Variants in NEDD4L observed in about 807,000 individuals in gnomAD.
NEDD4L encodes NEDD4 like E3 ubiquitin protein ligase.
Under a neutral mutation model 148.9 loss-of-function variants are expected in NEDD4L, and 54 were observed. That is an observed-to-expected ratio of 0.36 (90% CI 0.29 to 0.45). The LOEUF is 0.45. Among genes scored for constraint, NEDD4L ranks in the 20% least tolerant of loss-of-function variants. The pLI is 1.00. For synonymous variants in NEDD4L, 433 were observed against 440.7 expected (o/e 0.98, Z 0.22); for missense variants, 856 against 1,233.8 (o/e 0.69, Z 4.59).
chr18:58,105,948 C>G (rs1296670828), intron 1 of NEDD4L, among the ~76,000 whole-genome samples: 1 of 152,160 alleles, frequency 6.6e-6, no homozygotes, highest in South Asian at 2.1e-4. Context: ...TAATGAGATT[C>G]CAGAAATTGT....
chr18:58,327,388 C>A (rs542992452), intron 9 of NEDD4L, among the ~76,000 whole-genome samples: 74 of 152,292 alleles, frequency 4.9e-4, no homozygotes, highest in East Asian at 3.9e-4. Context: ...TGACCCACCA[C>A]GCCCGGCTGA....
At chr18:58,282,288 C>CT (rs1250435284) in intron 5 of NEDD4L, among the ~76,000 whole-genome samples, 4 of 151,928 alleles carry the variant, frequency 2.6e-5, no homozygotes, top group Non-Finnish European at 5.9e-5. Flanking sequence ...GCAGTCCTGT[C>CT]ACCTCAGAGG....
At chr18:58,277,563 C>T (rs934952481) in intron 5 of NEDD4L, among the ~76,000 whole-genome samples, 1 of 152,034 alleles carries the variant, frequency 6.6e-6, no homozygotes, top group African/African-American at 2.4e-5. Flanking sequence ...GGGTCACCTT[C>T]TCACCCTCTG....
At chr18:58,241,120 A>G (rs1246043444) in intron 2 of NEDD4L, among the ~76,000 whole-genome samples, 1 of 152,168 alleles carries the variant, frequency 6.6e-6, no homozygotes, top group Non-Finnish European at 1.5e-5. Context: ...AGCAGCTAAC[A>G]TTTATTAAGT....
intron 1 of NEDD4L, among the ~76,000 whole-genome samples, chr18:58,132,174 G>A (rs1481099031): frequency 1.3e-5 from 2 of 152,148 alleles, no homozygotes; most frequent in African/African-American, 2.4e-5. Flanking sequence ...CCATCAGTGC[G>A]TTCAGTCTTT....
intron 11 of NEDD4L, among the ~76,000 whole-genome samples, chr18:58,331,396 A>G (rs1156424625): frequency 2.6e-5 from 4 of 152,226 alleles, no homozygotes; most frequent in Admixed American, 1.3e-4. Context: ...GGCTCATCCA[A>G]GACAAGGTTT....
chr18:58,321,948 C>G (rs1727511445), intron 6 of NEDD4L, among the ~76,000 whole-genome samples: 1 of 152,186 alleles, frequency 6.6e-6, no homozygotes, highest in Non-Finnish European at 1.5e-5. Flanking sequence ...CTGGGGTGAT[C>G]TCTGTGCAGG....
chr18:58,214,266 A>G lies in NEDD4L; in HGVS notation c.123-31161A>G, dbSNP rs528222712. Among the ~76,000 whole-genome samples, 8 of 152,322 alleles carry G rather than the reference A, an allele frequency of 5.3e-5. No individual in the cohort carries two copies. In the South Asian group the frequency reaches 1.7e-3, roughly 32 times the overall value. On this transcript the variant is annotated intron_variant, in intron 2 of 30. Coordinates refer to ENST00000400345, the MANE Select transcript of NEDD4L (RefSeq NM_001144967.3). ...TCTGGCATCTGGAGAATACTTGTAC[A>G]GCAGCAGTCCCCTGGTTTTGTTTTT... is the stretch of plus-strand genomic sequence containing the variant.
At chr18:58,314,361 G>A (rs1016814755) in intron 5 of NEDD4L, among the ~76,000 whole-genome samples, 1 of 150,908 alleles carries the variant, frequency 6.6e-6, no homozygotes, top group Non-Finnish European at 1.5e-5. Context: ...AGGTTGCAGT[G>A]AGCTGAGATT....
intron 5 of NEDD4L, among the ~76,000 whole-genome samples, chr18:58,286,357 A>G (rs1225601497): frequency 1.3e-5 from 2 of 152,224 alleles, no homozygotes; most frequent in Non-Finnish European, 2.9e-5. Context: ...CTAACTGGAC[A>G]TTGGAAAAAA....
chr18:58,304,633 G>A (rs2056865573), intron 5 of NEDD4L, among the ~76,000 whole-genome samples: 2 of 152,260 alleles, frequency 1.3e-5, no homozygotes. Flanking sequence ...TGGTGATTGA[G>A]AAACCTTCCT....
chr18:58,128,545 G>A (rs1277685817), intron 1 of NEDD4L, among the ~76,000 whole-genome samples: 1 of 152,134 alleles, frequency 6.6e-6, no homozygotes, highest in Non-Finnish European at 1.5e-5. Flanking sequence ...ACAGTGCAAC[G>A]TAAATCCTGT....
intron 27 of NEDD4L, 54 bp downstream of exon 27, chr18:58,387,552 A>G: frequency 1.4e-6 from 2 of 1,419,804 alleles, no homozygotes; most frequent in South Asian, 1.4e-5. Flanking sequence ...AGTATCTCTC[A>G]TTACTTTACA....
intron 1 of NEDD4L, among the ~76,000 whole-genome samples, chr18:58,106,986 T>A (rs759503798): frequency 4.6e-4 from 70 of 152,186 alleles, no homozygotes; most frequent in Admixed American, 9.8e-4. Flanking sequence ...TTTATTTTTT[T>A]AATATAATCT....
Position 58,288,184 on chromosome 18 carries a change from G to A in NEDD4L, c.298-27798G>A, listed in dbSNP as rs549728261. ...CTTATGTCAAGGTGTAAACAAAAAA[G>A]AGAGCACAAAATACATCCATCAGAC... is the stretch of plus-strand genomic sequence containing the variant. On this transcript the variant is annotated intron_variant, in intron 5 of 30. Transcript: ENST00000400345. Among the ~76,000 whole-genome samples, 111 of 152,320 alleles carry A rather than the reference G, an allele frequency of 7.3e-4. 1 individual carries two copies. The highest frequency in any genetic ancestry group is 7.8e-4 in the Admixed American group (12 of 15,302).
intron 2 of NEDD4L, among the ~76,000 whole-genome samples, chr18:58,232,486 T>G (rs1165505538): frequency 6.6e-6 from 1 of 152,226 alleles, no homozygotes; most frequent in Non-Finnish European, 1.5e-5. Context: ...TGATGTGGGC[T>G]TCATTCTTTC....
intron 5 of NEDD4L, among the ~76,000 whole-genome samples, chr18:58,254,077 A>T (rs192318988): frequency 6.7e-4 from 102 of 152,170 alleles, no homozygotes; most frequent in African/African-American, 2.4e-3. Context: ...CATTACACAG[A>T]CTAGCTTCCA....
chr18:58,165,245 T>C (rs1939748842), intron 1 of NEDD4L, among the ~76,000 whole-genome samples: 1 of 152,218 alleles, frequency 6.6e-6, no homozygotes, highest in Admixed American at 6.5e-5. Flanking sequence ...CAAGACACTT[T>C]GGGGTGGTTT....
At chr18:58,225,690 T>C (rs2044271683) in intron 2 of NEDD4L, among the ~76,000 whole-genome samples, 1 of 152,086 alleles carries the variant, frequency 6.6e-6, no homozygotes, top group Non-Finnish European at 1.5e-5. Context: ...CCAGTGCAAA[T>C]AGAAGAGGCC....
Sources: allele counts gnomAD v4.1 joint callset (sites outside exome capture counted in the v4.1 genomes callset), GRCh38; gene constraint gnomAD v4.1.1; transcripts MANE v1.5; gene names NCBI Gene and HGNC (gene_info 2026-07-23, HGNC 2026-07-21).